Variants in SNX29 observed in about 807,000 individuals in gnomAD.
The protein encoded by SNX29 is sorting nexin 29, also known as sorting nexin-29.
In SNX29, 78 loss-of-function variants were observed where a neutral mutation model predicts 102.1. The ratio of observed to expected loss-of-function variants is 0.76; its 90% CI spans 0.64 to 0.92. The LOEUF (loss-of-function observed/expected upper bound fraction) is 0.92. Ranked by LOEUF, SNX29 falls within the 40% of genes least tolerant of loss-of-function variation. The pLI is 0.00. For synonymous variants in SNX29, 580 were observed against 414.5 expected, an observed-to-expected ratio of 1.40 and a Z score of -4.85; for missense variants, 1,280 against 1,061.7, an observed-to-expected ratio of 1.21 and a Z score of -2.86.
intron 11 of SNX29, among the ~76,000 whole-genome samples, chr16:12,124,794 C>G (rs556346866): frequency 6.6e-6 from 1 of 152,296 alleles, no homozygotes. Flanking sequence ...CCCCTGTGCT[C>G]TTGCCTGGTT....
intron 20 of SNX29, among the ~76,000 whole-genome samples, chr16:12,562,611 T>A (rs548820821): frequency 6.6e-6 from 1 of 152,188 alleles, no homozygotes; most frequent in Non-Finnish European, 1.5e-5. Context: ...CGCTGGCTCT[T>A]GAGAGCTACA....
At chr16:12,359,042 C>A (rs372865704) in intron 16 of SNX29, among the ~76,000 whole-genome samples, 1 of 152,186 alleles carries the variant, frequency 6.6e-6, no homozygotes, top group Non-Finnish European at 1.5e-5. Context: ...TTGTGAGATC[C>A]GCATTTTATT....
At chr16:12,226,827 C>T (rs995551798) in intron 14 of SNX29, among the ~76,000 whole-genome samples, 10 of 152,290 alleles carry the variant, frequency 6.6e-5, no homozygotes, top group African/African-American at 2.4e-4. Flanking sequence ...ATCTGCCCAC[C>T]TTGGCCTCCC....
chr16:12,085,242 G>T (rs1040634352), intron 11 of SNX29, among the ~76,000 whole-genome samples: 2 of 152,114 alleles, frequency 1.3e-5, no homozygotes, highest in Non-Finnish European at 2.9e-5. Flanking sequence ...CAAACTTCTG[G>T]AATGCTATGG....
At chr16:12,258,645 A>G (rs1276069569) in intron 14 of SNX29, among the ~76,000 whole-genome samples, 1 of 152,138 alleles carries the variant, frequency 6.6e-6, no homozygotes, top group East Asian at 1.9e-4. Flanking sequence ...CTCACAATGT[A>G]TATACTGGGG....
intron 19 of SNX29, among the ~76,000 whole-genome samples, chr16:12,518,202 C>A (rs1278020631): frequency 6.6e-6 from 1 of 152,188 alleles, no homozygotes; most frequent in African/African-American, 2.4e-5. Context: ...CTACACCCTA[C>A]TGTCCCCCAG....
intron 16 of SNX29, among the ~76,000 whole-genome samples, chr16:12,357,025 G>C (rs2082154617): frequency 1.3e-5 from 2 of 152,218 alleles, no homozygotes; most frequent in South Asian, 2.1e-4. Context: ...GGATTCAGTA[G>C]TGTCTTTGTA....
chr16:12,334,526 T>C (rs1369313541), intron 15 of SNX29, among the ~76,000 whole-genome samples: 2 of 152,198 alleles, frequency 1.3e-5, no homozygotes, highest in African/African-American at 4.8e-5. Flanking sequence ...GATGACAAAG[T>C]ATCCTTCCCC....
At position 12,089,778 on chromosome 16, in the gene SNX29, C is replaced by T. The variant is rs576535716; in HGVS notation, c.1402+10863C>T. The stretch of plus-strand genomic sequence containing the variant: ...GATAGGATTTACTCACTTCCTCTTG[C>T]GAAGAGCAGGCTCTGAAGCCTGCTT... On this transcript the variant is annotated intron_variant, in intron 11 of 20. Coordinates refer to ENST00000566228, the MANE Select transcript of SNX29 (RefSeq NM_032167.5). 7 of 334,582 alleles carry T rather than the reference C, an allele frequency of 2.1e-5. No individual in the cohort carries two copies. The East Asian group carries it at 4.3e-4, about 21-fold the overall frequency. 20.7% of individuals were successfully genotyped at this position (334,582 alleles called of 1,614,324 possible).
intron 13 of SNX29, among the ~76,000 whole-genome samples, chr16:12,142,509 C>T (rs1388232732): frequency 6.6e-6 from 1 of 152,196 alleles, no homozygotes; most frequent in East Asian, 1.9e-4. Flanking sequence ...AGCTGTTTTC[C>T]TGCAGTTTGA....
At chr16:12,446,047 C>CTTT (rs60889973) in intron 18 of SNX29, among the ~76,000 whole-genome samples, 3 of 98,592 alleles carry the variant, frequency 3.0e-5, no homozygotes, top group Non-Finnish European at 3.9e-5. Flanking sequence ...GCTTCTCATT[C>CTTT]TTTTTTTTTT....
intron 3 of SNX29, among the ~76,000 whole-genome samples, chr16:12,010,922 T>C (rs1044718678): frequency 6.6e-6 from 1 of 151,916 alleles, no homozygotes; most frequent in Non-Finnish European, 1.5e-5. Flanking sequence ...TTTTCAGGCT[T>C]TTTTTTCTCT....
chr16:12,532,950 G>C (rs1023898434), intron 20 of SNX29, among the ~76,000 whole-genome samples: 1 of 152,232 alleles, frequency 6.6e-6, no homozygotes, highest in East Asian at 1.9e-4. Flanking sequence ...AGTTGGCTGC[G>C]GACCCAGGGA....
intron 14 of SNX29, among the ~76,000 whole-genome samples, chr16:12,249,436 C>G (rs1395295666): frequency 6.6e-6 from 1 of 152,206 alleles, no homozygotes; most frequent in Non-Finnish European, 1.5e-5. Context: ...GCGAATACTC[C>G]ACTGACCAGA....
intron 19 of SNX29, among the ~76,000 whole-genome samples, chr16:12,481,538 A>G (rs914491810): frequency 3.0e-4 from 46 of 151,002 alleles, no homozygotes; most frequent in African/African-American, 1.1e-3. Context: ...ACACACACAC[A>G]CACACACACA....
chr16:12,293,040 G>A (rs982634404), intron 15 of SNX29, among the ~76,000 whole-genome samples: 1 of 152,154 alleles, frequency 6.6e-6, no homozygotes, highest in Admixed American at 6.5e-5. Flanking sequence ...TAATATAATT[G>A]ACACCATTTA....
At chr16:12,517,015 C>A (rs965354869) in intron 19 of SNX29, among the ~76,000 whole-genome samples, 3 of 152,164 alleles carry the variant, frequency 2.0e-5, no homozygotes, top group Admixed American at 6.5e-5. Flanking sequence ...GAAAAATATT[C>A]CTATTAAAAT....
chr16:12,199,470 A>T (rs1017151470), intron 13 of SNX29, 131 bp from the exon 14 acceptor site: 15 of 682,516 alleles, frequency 2.2e-5, no homozygotes, highest in Non-Finnish European at 3.8e-5. Flanking sequence ...AACCATGAGA[A>T]TATATTAACA....
rs184582803 is a variant in SNX29, at chr16:12,210,968, G to T, written c.1678+11285G>T. Among the ~76,000 whole-genome samples, 258 of 152,214 alleles carry T rather than the reference G, an allele frequency of 1.7e-3. 1 individual carries two copies. Among genetic ancestry groups the T allele is most frequent in the African/African-American group, 6.0e-3 (248 of 41,536 alleles). On this transcript the variant is annotated intron_variant, in intron 14 of 20. Transcript: ENST00000566228. The stretch of plus-strand genomic sequence containing the variant: ...TTTTCACCTGCAACCCTGTTTTGAG[G>T]AGTAATTGAGAGAATTAGATGTAAA...
Sources: allele counts gnomAD v4.1 joint callset (sites outside exome capture counted in the v4.1 genomes callset), GRCh38; gene constraint gnomAD v4.1.1; transcripts MANE v1.5; gene names NCBI Gene and HGNC (gene_info 2026-07-23, HGNC 2026-07-21).